The following CFAP299 variants were observed in gnomAD, a reference collection of about 807,000 sequenced individuals.
CFAP299 encodes cilia and flagella associated protein 299.
In CFAP299, 21 loss-of-function variants were observed where a neutral mutation model predicts 27.0. The observed-to-expected ratio is 0.78, with a 90% CI of 0.55 to 1.12. The LOEUF (loss-of-function observed/expected upper bound fraction) is 1.12. CFAP299 is among the 50% of genes most tolerant of loss of function. The pLI, the probability that CFAP299 is intolerant of heterozygous loss-of-function variation, is 0.00. For synonymous variants in CFAP299, 104 were observed against 98.1 expected, an observed-to-expected ratio of 1.06 and a Z score of -0.36; for missense variants, 310 against 276.6, an observed-to-expected ratio of 1.12 and a Z score of -0.86.
chr4:80,554,505 GT>G (rs869288835), intron 2 of CFAP299, among the ~76,000 whole-genome samples: 3,456 of 108,696 alleles, frequency 0.032, 29 homozygotes, highest in Middle Eastern at 0.049. Flanking sequence ...TTTTCCACTA[GT>G]TTTTTTTTTT....
intron 2 of CFAP299, among the ~76,000 whole-genome samples, chr4:80,524,621 C>T (rs905465655): frequency 3.3e-5 from 5 of 151,974 alleles, no homozygotes; most frequent in African/African-American, 4.8e-5. Context: ...ATTTCAAATT[C>T]GATATACTCA....
intron 2 of CFAP299, among the ~76,000 whole-genome samples, chr4:80,506,791 A>G (rs1393315290): frequency 6.6e-5 from 10 of 152,112 alleles, no homozygotes; most frequent in Admixed American, 6.6e-4. Flanking sequence ...TGGCAATGGG[A>G]TAAGAGAATA....
intron 2 of CFAP299, among the ~76,000 whole-genome samples, chr4:80,563,298 C>T (rs1578604099): frequency 6.6e-6 from 1 of 152,040 alleles, no homozygotes; most frequent in Non-Finnish European, 1.5e-5. Flanking sequence ...TATGTTAGGT[C>T]ACAAAACAAG....
At chr4:80,658,215 C>A (rs10017890) in intron 3 of CFAP299, among the ~76,000 whole-genome samples, 2 of 152,076 alleles carry the variant, frequency 1.3e-5, no homozygotes, top group South Asian at 2.1e-4. Context: ...TATTTGAATA[C>A]GCTTTATTTC....
At chr4:80,700,092 G>A (rs1721377902) in intron 3 of CFAP299, among the ~76,000 whole-genome samples, 1 of 152,018 alleles carries the variant, frequency 6.6e-6, no homozygotes, top group Non-Finnish European at 1.5e-5. Context: ...AGGAAGTGAA[G>A]AAAAATGAGA....
intron 3 of CFAP299, among the ~76,000 whole-genome samples, chr4:80,677,159 G>A (rs1280577044): frequency 1.3e-5 from 2 of 151,746 alleles, no homozygotes; most frequent in African/African-American, 4.8e-5. Context: ...TTTTTCATTA[G>A]TTTCAAGAAT....
At chr4:80,494,074 C>T (rs1428399614) in intron 2 of CFAP299, among the ~76,000 whole-genome samples, 1 of 152,178 alleles carries the variant, frequency 6.6e-6, no homozygotes, top group East Asian at 1.9e-4. Flanking sequence ...CGCGCCTGGC[C>T]TCTATCTCAT....
intron 3 of CFAP299, among the ~76,000 whole-genome samples, chr4:80,726,721 A>C (rs994855620): frequency 6.6e-6 from 1 of 152,196 alleles, no homozygotes; most frequent in African/African-American, 2.4e-5. Flanking sequence ...TAACTTAAAC[A>C]TTGTGGGGAC....
At chr4:80,562,657 C>CAATAATAAT (rs144281838) in intron 2 of CFAP299, among the ~76,000 whole-genome samples, 4,249 of 140,774 alleles carry the variant, frequency 0.03, 78 homozygotes, top group Non-Finnish European at 0.036. Context: ...GACTCAATTT[C>CAATAATAAT]AATAATAATA....
chr4:80,402,724 T>G (rs545794385), intron 2 of CFAP299, among the ~76,000 whole-genome samples: 1 of 152,354 alleles, frequency 6.6e-6, no homozygotes, highest in Non-Finnish European at 1.5e-5. Context: ...CAAACTGCTC[T>G]GGATTTCTAA....
chr4:80,392,595 TGAA>T (rs918943245), intron 2 of CFAP299, among the ~76,000 whole-genome samples: 63 of 152,272 alleles, frequency 4.1e-4, no homozygotes, highest in African/African-American at 1.4e-3. Context: ...TGCCGTCATG[TGAA>T]GATGGATGTG....
At chr4:80,870,184 T>C (rs1432310404) in intron 4 of CFAP299, 49 bp downstream of exon 4, 2 of 1,543,614 alleles carry the variant, frequency 1.3e-6, no homozygotes, top group Middle Eastern at 1.8e-4. Context: ...ACAAAGACTT[T>C]TTATTTTATG....
At chr4:80,349,402 A>C (rs1722913312) in intron 1 of CFAP299, among the ~76,000 whole-genome samples, 1 of 152,236 alleles carries the variant, frequency 6.6e-6, no homozygotes, top group Non-Finnish European at 1.5e-5. Flanking sequence ...CACATGGAGA[A>C]TATATTTATG....
intron 3 of CFAP299, among the ~76,000 whole-genome samples, chr4:80,793,948 G>T (rs1727711631): frequency 1.3e-5 from 2 of 152,116 alleles, no homozygotes; most frequent in South Asian, 4.1e-4. Flanking sequence ...TTTCCTGGTG[G>T]AATGACCCAA....
At chr4:80,532,853 G>A (rs1158639208) in intron 2 of CFAP299, among the ~76,000 whole-genome samples, 2 of 152,172 alleles carry the variant, frequency 1.3e-5, no homozygotes, top group African/African-American at 4.8e-5. Flanking sequence ...AGCAGTGACG[G>A]TAGGTCACTG....
chr4:80,477,523 C>A (rs1258815889), intron 2 of CFAP299, among the ~76,000 whole-genome samples: 1 of 152,160 alleles, frequency 6.6e-6, no homozygotes, highest in African/African-American at 2.4e-5. Context: ...AGCTTGTTCA[C>A]CGCCATGCAC....
chr4:80,473,317 A>G (rs1367644001), intron 2 of CFAP299, among the ~76,000 whole-genome samples: 1 of 152,154 alleles, frequency 6.6e-6, no homozygotes, highest in Non-Finnish European at 1.5e-5. Context: ...CCCAAAGCCA[A>G]TAACTTATTT....
intron 3 of CFAP299, among the ~76,000 whole-genome samples, chr4:80,783,350 G>A (rs1245293563): frequency 6.6e-6 from 1 of 152,126 alleles, no homozygotes; most frequent in Non-Finnish European, 1.5e-5. Flanking sequence ...AGCAGGCAGG[G>A]ACCATTGGGG....
chr4:80,577,397 A>ATTTTTTTT (rs34922224), intron 2 of CFAP299, among the ~76,000 whole-genome samples: 17 of 98,854 alleles, frequency 1.7e-4, no homozygotes, highest in East Asian at 3.3e-4. Context: ...ATTAGAAAAC[A>ATTTTTTTT]TTTTTTTTTT....
Sources: allele counts gnomAD v4.1 joint callset (sites outside exome capture counted in the v4.1 genomes callset), GRCh38; gene constraint gnomAD v4.1.1; transcripts MANE v1.5; gene names NCBI Gene and HGNC (gene_info 2026-07-23, HGNC 2026-07-21).